Variants in ZNF536 observed in about 807,000 individuals in gnomAD.
ZNF536 encodes the protein zinc finger protein 536.
A neutral mutation model predicts 84.5 loss-of-function variants in ZNF536; 13 were observed. The ratio of observed to expected loss-of-function variants is 0.15; its 90% CI spans 0.10 to 0.24. The LOEUF (loss-of-function observed/expected upper bound fraction) is 0.24. Among genes scored for constraint, ZNF536 ranks in the 10% least tolerant of loss-of-function variants. ZNF536 has a pLI of 1.00. For synonymous variants in ZNF536, 811 were observed against 742.5 expected, an observed-to-expected ratio of 1.09 and a Z score of -1.50; for missense variants, 1,536 against 1,747.5, an observed-to-expected ratio of 0.88 and a Z score of 2.16.
intron 1 of ZNF536, among the ~76,000 whole-genome samples, chr19:30,378,288 G>A (rs181215989): frequency 6.6e-6 from 1 of 152,284 alleles, no homozygotes; most frequent in Non-Finnish European, 1.5e-5. Context: ...AGCCTCTCAA[G>A]TAGCTGGGAC....
intron 2 of ZNF536, among the ~76,000 whole-genome samples, chr19:30,457,835 G>C (rs981601330): frequency 2.0e-5 from 3 of 152,158 alleles, no homozygotes; most frequent in African/African-American, 7.2e-5. Flanking sequence ...TGCCCCACAG[G>C]GGCTCTGGGT....
intron 1 of ZNF536, among the ~76,000 whole-genome samples, chr19:30,417,148 A>ATTTTTTTTTTTT (rs71173904): frequency 8.0e-5 from 8 of 100,236 alleles, no homozygotes; most frequent in African/African-American, 2.9e-4. Flanking sequence ...TAATTTTTGT[A>ATTTTTTTTTTTT]TTTTTTTTTT....
At chr19:30,469,097 G>A (rs2053529774) in intron 2 of ZNF536, among the ~76,000 whole-genome samples, 1 of 152,074 alleles carries the variant, frequency 6.6e-6, no homozygotes, top group African/African-American at 2.4e-5. Flanking sequence ...TGTTGACCAA[G>A]CCAAGTCTCC....
chr19:30,321,707 CCT>C (rs909883399), intron 2 of ZNF536, among the ~76,000 whole-genome samples: 1 of 150,688 alleles, frequency 6.6e-6, no homozygotes, highest in African/African-American at 2.5e-5. Context: ...TTTTCATCTT[CCT>C]CTTTTTTTTT....
At chr19:30,672,464 G>A (rs992471584) in intron 1 of ZNF536, among the ~76,000 whole-genome samples, 2 of 152,174 alleles carry the variant, frequency 1.3e-5, no homozygotes. Context: ...AATTACAAAA[G>A]GGGCATTATT....
intron 1 of ZNF536, among the ~76,000 whole-genome samples, chr19:30,274,497 G>T (rs140730222): frequency 2.2e-4 from 34 of 152,292 alleles, no homozygotes; most frequent in African/African-American, 7.9e-4. Flanking sequence ...CACTCACAGC[G>T]CATCTCAATT....
chr19:30,329,669 A>T (rs954658747), intron 2 of ZNF536, among the ~76,000 whole-genome samples: 4 of 152,224 alleles, frequency 2.6e-5, no homozygotes, highest in African/African-American at 4.8e-5. Context: ...ACAAAAGTTT[A>T]TCAGGCCCCT....
At position 30,271,294 on chromosome 19, in the gene ZNF536, C is replaced by CT. The variant is rs879683203; in HGVS notation, c.-189-12774dup. ...CTGGAAGCTTTCCCTGTGTTTTTTT[C>CT]TTTTCTTTTTTTTTTTTTTTTTTTT... On this transcript the variant is annotated intron_variant, in intron 1 of 5. Transcript: ENST00000585628. 4.7e-3 allele frequency among the ~76,000 whole-genome samples: 486 copies of CT among 103,092 alleles called. 12 individuals are homozygous for CT. Among genetic ancestry groups the CT allele is most frequent in the Middle Eastern group, 0.018 (3 of 168 alleles). The allele number at this position is 103,092 out of a possible 152,430, so 67.6% of individuals were successfully genotyped here. A position where few individuals can be genotyped will look rare whatever the true frequency, so the allele number is the denominator to read the frequency against.
intron 2 of ZNF536, among the ~76,000 whole-genome samples, chr19:30,473,375 G>A (rs555479452): frequency 6.6e-6 from 1 of 152,164 alleles, no homozygotes; most frequent in South Asian, 2.1e-4. Context: ...CCCAGAGTAT[G>A]CAACCCTGGG....
At chr19:30,571,060 G>A (rs931852214) in intron 1 of ZNF536, among the ~76,000 whole-genome samples, 1 of 152,180 alleles carries the variant, frequency 6.6e-6, no homozygotes, top group Non-Finnish European at 1.5e-5. Flanking sequence ...CATCGACACA[G>A]GCAGGCTTGT....
At chr19:30,461,037 C>G (rs1052585184) in intron 2 of ZNF536, among the ~76,000 whole-genome samples, 1 of 152,096 alleles carries the variant, frequency 6.6e-6, no homozygotes, top group Non-Finnish European at 1.5e-5. Context: ...GCCGTGTGGG[C>G]GCGTCGGAGG....
chr19:30,599,174 CCT>C (rs1272875926), intron 1 of ZNF536, among the ~76,000 whole-genome samples: 13 of 120,094 alleles, frequency 1.1e-4, no homozygotes, highest in African/African-American at 4.3e-4. Flanking sequence ...CTCTTTCCCT[CCT>C]CTCTGTCTCG....
At chr19:30,244,576 A>C (rs1263666517) in intron 1 of ZNF536, among the ~76,000 whole-genome samples, 1 of 152,212 alleles carries the variant, frequency 6.6e-6, no homozygotes, top group East Asian at 1.9e-4. Flanking sequence ...TAATTACAGA[A>C]GAATTTCGAA....
At chr19:30,671,176 G>C (rs942512219) in intron 1 of ZNF536, among the ~76,000 whole-genome samples, 1 of 152,192 alleles carries the variant, frequency 6.6e-6, no homozygotes, top group African/African-American at 2.4e-5. Flanking sequence ...GTACCTAGGG[G>C]GTATAACTCA....
chr19:30,487,121 T>C (rs2054331166), intron 2 of ZNF536, among the ~76,000 whole-genome samples: 1 of 152,212 alleles, frequency 6.6e-6, no homozygotes, highest in Non-Finnish European at 1.5e-5. Context: ...AATTTGTCAA[T>C]ACCCATCAGG....
At chr19:30,281,271 G>A (rs1287530167) in intron 1 of ZNF536, among the ~76,000 whole-genome samples, 1 of 152,080 alleles carries the variant, frequency 6.6e-6, no homozygotes, top group Non-Finnish European at 1.5e-5. Flanking sequence ...CTCCAGCCAG[G>A]GTCCACCCAG....
At chr19:30,344,381 A>G (rs1167659243) in intron 2 of ZNF536, among the ~76,000 whole-genome samples, 2 of 125,560 alleles carry the variant, frequency 1.6e-5, no homozygotes, top group Admixed American at 1.7e-4. Context: ...CGGAGGTTGT[A>G]GAGAGCAGAG....
chr19:30,480,285 T>A (rs997713613), intron 2 of ZNF536, among the ~76,000 whole-genome samples: 14 of 152,174 alleles, frequency 9.2e-5, no homozygotes, highest in Non-Finnish European at 1.6e-4. Flanking sequence ...GACCTCTCCT[T>A]GCAGGGCAGA....
At chr19:30,427,261 G>T (rs560993029) in intron 1 of ZNF536, among the ~76,000 whole-genome samples, 54 of 152,222 alleles carry the variant, frequency 3.5e-4, no homozygotes, top group Non-Finnish European at 5.1e-4. Flanking sequence ...AGGACAGAAG[G>T]TGTGGACAAC....
Sources: allele counts gnomAD v4.1 joint callset (sites outside exome capture counted in the v4.1 genomes callset), GRCh38; gene constraint gnomAD v4.1.1; transcripts MANE v1.5; gene names NCBI Gene and HGNC (gene_info 2026-07-23, HGNC 2026-07-21).